AHR: variants seen among roughly 807,000 people sequenced by gnomAD.
AHR encodes the protein AH-receptor.
Under a neutral mutation model 86.8 loss-of-function variants are expected in AHR, and 40 were observed. The observed-to-expected ratio is 0.46, with a 90% CI of 0.36 to 0.60. AHR has a LOEUF of 0.60. Among genes scored for constraint, AHR ranks in the 20% least tolerant of loss-of-function variants. The probability of loss-of-function intolerance (pLI) is 0.00; values close to 1 mark genes in which losing one functional copy is unlikely to be tolerated. For missense variants in AHR, 1,001 were observed against 1,011.6 expected (o/e 0.99, Z 0.14); for synonymous variants, 398 against 354.9 (o/e 1.12, Z -1.37).
chr7:17,335,536 G>T, intron 8 of AHR, 109 bp from the exon 9 acceptor site: 2 of 866,876 alleles, frequency 2.3e-6, no homozygotes, highest in South Asian at 2.6e-5. Context: ...TTGTCTTTGG[G>T]GATAAAGGAA....
At chr7:17,326,874 G>A (rs959820742) in intron 3 of AHR, among the ~76,000 whole-genome samples, 2 of 152,056 alleles carry the variant, frequency 1.3e-5, no homozygotes, top group African/African-American at 4.8e-5. Context: ...AATAGATCAA[G>A]TACCAAATTG....
At chr7:17,329,316 A>G (rs965349443) in intron 4 of AHR, among the ~76,000 whole-genome samples, 1 of 151,908 alleles carries the variant, frequency 6.6e-6, no homozygotes, top group South Asian at 2.1e-4. Flanking sequence ...CCATGTGTTT[A>G]TGTCTGTGCA....
chr7:17,307,744 G>A (rs1562474156), intron 1 of AHR, among the ~76,000 whole-genome samples: 1 of 152,080 alleles, frequency 6.6e-6, no homozygotes, highest in African/African-American at 2.4e-5. Flanking sequence ...TAACTTCAGC[G>A]AACCCTGCCC....
chr7:17,340,241 T>C lies in AHR; in HGVS notation c.2403+13T>C, dbSNP rs202096857. The C allele has an allele frequency of 1.2e-5, 19 of 1,573,932 alleles. No homozygotes were observed. In the African/African-American group the frequency reaches 1.8e-4, roughly 15 times the overall value. On this transcript the variant is annotated intron_variant, in intron 10 of 10. Coordinates refer to ENST00000242057, the MANE Select transcript of AHR (RefSeq NM_001621.5). ...ATTTTTAAACAAGGTAAGGGTGTTA[T>C]CAAACTGAATTAAATCTTTCAGTGA...
At position 17,339,803 on chromosome 7, in the gene AHR, G is replaced by A. The variant is rs146989897; in HGVS notation, c.1978G>A (p.Val660Met). 2.6e-4 allele frequency: 420 copies of A among 1,614,164 alleles called. 2 individuals carry two copies. In the African/African-American group the frequency reaches 4.9e-3, roughly 19 times the overall value. The change falls in exon 10 of 11, where the codon GTG (valine) becomes ATG (methionine). Residue 660 changes from valine to methionine, a missense_variant. This residue lies in a region of AHR where 607 missense variants were observed against 543.1 expected (regional missense o/e 1.12). Coordinates refer to ENST00000242057, the MANE Select transcript of AHR (RefSeq NM_001621.5). ...TGAAAATTGGAACTCTAACCAATTC[G>A]TGCCTTTCAATTGTCCACAGCAAGA... ...MFENWNSNQF[V>M]PFNCPQQDPQ...
intron 2 of AHR, among the ~76,000 whole-genome samples, chr7:17,313,386 CA>C (rs895365995): frequency 3.9e-5 from 6 of 152,204 alleles, no homozygotes; most frequent in South Asian, 2.1e-4. Flanking sequence ...AGGATGCAAA[CA>C]GGGGGTGTGT....
intron 1 of AHR, among the ~76,000 whole-genome samples, chr7:17,302,762 G>T (rs889101189): frequency 6.6e-6 from 1 of 151,302 alleles, no homozygotes; most frequent in African/African-American, 2.4e-5. Flanking sequence ...AAGCACGACA[G>T]TCAGCACCTG....
At chr7:17,340,623 C>T (rs1490516279) in intron 10 of AHR, among the ~76,000 whole-genome samples, 4 of 152,030 alleles carry the variant, frequency 2.6e-5, no homozygotes, top group African/African-American at 9.7e-5. Context: ...AAACGTATTG[C>T]AATTTTTAAG....
intron 2 of AHR, among the ~76,000 whole-genome samples, chr7:17,318,572 A>G (rs1782139165): frequency 6.6e-6 from 1 of 152,148 alleles, no homozygotes; most frequent in African/African-American, 2.4e-5. Flanking sequence ...GGAAAGTGGT[A>G]CATATCCTCA....
chr7:17,309,159 T>A (rs1196375811), intron 1 of AHR, among the ~76,000 whole-genome samples: 1 of 152,220 alleles, frequency 6.6e-6, no homozygotes, highest in African/African-American at 2.4e-5. Context: ...CATAAGTGTC[T>A]TTATTCTCAG....
chr7:17,330,224 A>C (rs1782273025), intron 5 of AHR, 149 bp downstream of exon 5: 9 of 756,118 alleles, frequency 1.2e-5, no homozygotes, highest in Non-Finnish European at 1.8e-5. Flanking sequence ...CAGCTAGGTC[A>C]CAAAGAGCCT....
chr7:17,327,873 T>G, intron 4 of AHR, 25 bp downstream of exon 4: 1 of 998,398 alleles, frequency 1.0e-6, no homozygotes, highest in Non-Finnish European at 1.3e-6. Flanking sequence ...TTTATATCAT[T>G]TATATTATTA....
chr7:17,324,287 A>G (rs1219849145), intron 3 of AHR, among the ~76,000 whole-genome samples: 1 of 152,110 alleles, frequency 6.6e-6, no homozygotes, highest in Non-Finnish European at 1.5e-5. Flanking sequence ...TCTTTTTATG[A>G]AGAAGATGAC....
chr7:17,314,560 A>G (rs754457553), intron 2 of AHR, among the ~76,000 whole-genome samples: 16 of 152,038 alleles, frequency 1.1e-4, no homozygotes, highest in Non-Finnish European at 2.1e-4. Context: ...AAAGAGAGCT[A>G]TTGTGTTTAT....
intron 1 of AHR, among the ~76,000 whole-genome samples, chr7:17,307,127 G>T (rs1032720689): frequency 6.8e-6 from 1 of 146,294 alleles, no homozygotes; most frequent in East Asian, 1.9e-4. Flanking sequence ...ATATTGCAAA[G>T]AGCCAGCACA....
intron 2 of AHR, among the ~76,000 whole-genome samples, chr7:17,314,771 C>A (rs1182175593): frequency 6.6e-6 from 1 of 152,006 alleles, no homozygotes; most frequent in Non-Finnish European, 1.5e-5. Flanking sequence ...CTTTTTCATT[C>A]ATGAGAATTC....
intron 10 of AHR, among the ~76,000 whole-genome samples, chr7:17,340,674 A>G (rs1035958026): frequency 2.0e-5 from 3 of 152,190 alleles, no homozygotes; most frequent in Admixed American, 6.5e-5. Flanking sequence ...ATATGTTTGA[A>G]ATTGAGTTAA....
chr7:17,334,150 G>A, intron 7 of AHR, 36 bp downstream of exon 7: 1 of 1,535,786 alleles, frequency 6.5e-7, no homozygotes, highest in South Asian at 1.1e-5. Flanking sequence ...TTTATTGGAT[G>A]TACATTATGT....
At chr7:17,333,860 AT>A in intron 6 of AHR, 51 bp from the exon 7 acceptor site, 1 of 1,486,326 alleles carries the variant, frequency 6.7e-7, no homozygotes, top group African/African-American at 1.4e-5. Context: ...AAAAGGCACT[AT>A]TTTATATTGT....
Sources: allele counts gnomAD v4.1 joint callset (sites outside exome capture counted in the v4.1 genomes callset), GRCh38; gene constraint gnomAD v4.1.1; regional missense constraint gnomAD v4.1.1; transcripts MANE v1.5; gene names NCBI Gene and HGNC (gene_info 2026-07-23, HGNC 2026-07-21).